Variants in CDC40 observed in about 807,000 individuals in gnomAD.
The protein encoded by CDC40 is pre-mRNA-processing factor 17.
CDC40 carries 27 observed loss-of-function variants against 80.6 expected under a neutral mutation model. The observed-to-expected ratio is 0.33, with a 90% CI of 0.25 to 0.46. The LOEUF is 0.46. CDC40 is among the 20% of genes least tolerant of loss of function. The pLI is 1.00. For missense variants in CDC40, 486 were observed against 694.1 expected (o/e 0.70, Z 3.37); for synonymous variants, 221 against 232.6 (o/e 0.95, Z 0.45).
intron 7 of CDC40, among the ~76,000 whole-genome samples, chr6:110,212,668 G>A (rs987670855): frequency 6.6e-5 from 10 of 152,084 alleles, no homozygotes; most frequent in Admixed American, 1.3e-4. Context: ...GATTAGATGC[G>A]CCCTGGTTTA....
Position 110,213,093 on chromosome 6 carries a change from G to C in CDC40, c.875G>C (p.Ser292Thr), listed in dbSNP as rs1334245601. The change falls in exon 8 of 15, where the codon AGT becomes ACT. Residue 292 changes from serine to threonine, a missense_variant. Ser to Thr is a moderately conservative substitution (Grantham distance 58). Around this residue, in one of 3 missense-constraint regions of CDC40, gnomAD observed 381 missense variants for 492.1 expected, o/e 0.77. Coordinates refer to ENST00000307731, the MANE Select transcript of CDC40 (RefSeq NM_015891.3). ...HVWSGHTKGV[S>T]AVRLFPLSGH... ...TGTAATACCTTTTTATAGGGCGTCA[G>C]TGCAGTCAGATTGTTTCCTCTCTCT... 1 of 1,604,514 alleles carries C rather than the reference G, an allele frequency of 6.2e-7. No individual in the cohort carries two copies. Among genetic ancestry groups the C allele is most frequent in the Admixed American group, 1.7e-5 (1 of 59,990 alleles).
intron 13 of CDC40, among the ~76,000 whole-genome samples, chr6:110,226,925 A>T (rs1777870443): frequency 1.3e-5 from 2 of 151,996 alleles, no homozygotes; most frequent in South Asian, 4.1e-4. Flanking sequence ...TCAGGCTGAG[A>T]TGGGCAGTTT....
chr6:110,208,785 C>G (rs916423302), intron 4 of CDC40, among the ~76,000 whole-genome samples: 1 of 152,058 alleles, frequency 6.6e-6, no homozygotes, highest in African/African-American at 2.4e-5. Context: ...AAGGCTTGTG[C>G]GCCATTGTAG....
chr6:110,182,181 A>G (rs1388042507), intron 1 of CDC40, among the ~76,000 whole-genome samples: 1 of 152,266 alleles, frequency 6.6e-6, no homozygotes, highest in Non-Finnish European at 1.5e-5. Context: ...TCTGTAAAGT[A>G]GGAATAACAG....
At chr6:110,204,689 A>T (rs1777539959) in intron 3 of CDC40, among the ~76,000 whole-genome samples, 1 of 123,888 alleles carries the variant, frequency 8.1e-6, no homozygotes, top group African/African-American at 3.2e-5. Flanking sequence ...TTGAGACAGG[A>T]TCTCGCTCTG....
At chr6:110,180,656 C>G in intron 1 of CDC40, 23 bp downstream of exon 1, 1 of 1,575,842 alleles carries the variant, frequency 6.3e-7, no homozygotes, top group Non-Finnish European at 8.7e-7. Flanking sequence ...GCTACTAATG[C>G]AGTGTGGGAA....
At chr6:110,210,544 TC>T (rs1450488819) in intron 5 of CDC40, among the ~76,000 whole-genome samples, 162 bp from the exon 6 acceptor site, 27 of 124,338 alleles carry the variant, frequency 2.2e-4, no homozygotes, top group African/African-American at 9.0e-4. Flanking sequence ...AGTGCGAGAC[TC>T]ATCTCAGAAA....
At chr6:110,187,961 A>T (rs1777296971) in intron 1 of CDC40, among the ~76,000 whole-genome samples, 1 of 152,182 alleles carries the variant, frequency 6.6e-6, no homozygotes, top group Non-Finnish European at 1.5e-5. Flanking sequence ...GTATTGTCCA[A>T]GTTTTCTAAT....
At chr6:110,182,521 TTTCTC>T (rs1461771413) in intron 1 of CDC40, among the ~76,000 whole-genome samples, 1 of 152,218 alleles carries the variant, frequency 6.6e-6, no homozygotes, top group Admixed American at 6.5e-5. Context: ...AAGGTATCCT[TTTCTC>T]TTCCTTCTTC....
intron 2 of CDC40, among the ~76,000 whole-genome samples, chr6:110,198,291 C>T (rs982092447): frequency 6.6e-6 from 1 of 151,890 alleles, no homozygotes; most frequent in Non-Finnish European, 1.5e-5. Flanking sequence ...GATTGTCCCA[C>T]CTCAGACTCC....
Position 110,209,226 on chromosome 6 carries a change from A to T in CDC40, c.630+3A>T, listed in dbSNP as rs774043831. 6.2e-7 allele frequency: 1 copy of T among 1,612,518 alleles called. No homozygotes were observed. The highest frequency in any genetic ancestry group is 1.7e-4 in the Middle Eastern group (1 of 6,050). On this transcript the variant is annotated splice_donor_region_variant and intron_variant, in intron 5 of 14. Coordinates refer to ENST00000307731, the MANE Select transcript of CDC40 (RefSeq NM_015891.3). The stretch of plus-strand genomic sequence containing the variant: ...AAGATGTAGCCAAACCTTCAGAAGT[A>T]AGCTTTGATGTTTTTAATTGTCAAT...
chr6:110,218,001 C>T (rs147232663), intron 10 of CDC40, among the ~76,000 whole-genome samples, 198 bp downstream of exon 10: 37 of 152,246 alleles, frequency 2.4e-4, no homozygotes, highest in African/African-American at 8.9e-4. Context: ...AACTTGTTTC[C>T]ACCAGATAGA....
intron 9 of CDC40, 75 bp downstream of exon 9, chr6:110,215,406 T>C: frequency 1.8e-6 from 2 of 1,139,000 alleles, no homozygotes; most frequent in Non-Finnish European, 2.7e-6. Context: ...ACAATAACTT[T>C]ACTACACCGA....
chr6:110,220,724 C>T (rs944909955), intron 12 of CDC40, among the ~76,000 whole-genome samples: 10 of 152,146 alleles, frequency 6.6e-5, no homozygotes, highest in African/African-American at 9.7e-5. Flanking sequence ...GGATTACAGG[C>T]GTGAGCCACT....
intron 1 of CDC40, among the ~76,000 whole-genome samples, chr6:110,181,481 A>G (rs935709719): frequency 4.6e-5 from 7 of 152,220 alleles, no homozygotes; most frequent in African/African-American, 1.7e-4. Context: ...GCGGTGTCCA[A>G]AAATTCCTTT....
At chr6:110,226,066 A>G (rs1013145563) in intron 12 of CDC40, 101 bp from the exon 13 acceptor site, 35 of 669,700 alleles carry the variant, frequency 5.2e-5, no homozygotes, top group Non-Finnish European at 7.4e-5. Context: ...TATAATATCA[A>G]GAGTTTGCTT....
At chr6:110,209,063 A>AT (rs750937128) in intron 4 of CDC40, 21 bp from the exon 5 acceptor site, 8,544 of 1,221,564 alleles carry the variant, frequency 7.0e-3, no homozygotes, top group Non-Finnish European at 7.6e-3. Context: ...TTTTTTTTTA[A>AT]TTTTTTTTTT....
intron 2 of CDC40, among the ~76,000 whole-genome samples, chr6:110,195,355 C>T (rs1048789105): frequency 2.6e-5 from 4 of 151,978 alleles, no homozygotes; most frequent in African/African-American, 9.7e-5. Context: ...CAGACTATTT[C>T]TTATTATGCC....
chr6:110,203,986 C>T (rs1469121115), intron 3 of CDC40, among the ~76,000 whole-genome samples: 1 of 152,070 alleles, frequency 6.6e-6, no homozygotes, highest in Non-Finnish European at 1.5e-5. Context: ...TGAGTTTTAA[C>T]TTCAATATTT....
Sources: allele counts gnomAD v4.1 joint callset (sites outside exome capture counted in the v4.1 genomes callset), GRCh38; gene constraint gnomAD v4.1.1; regional missense constraint gnomAD v4.1.1; transcripts MANE v1.5; gene names NCBI Gene and HGNC (gene_info 2026-07-23, HGNC 2026-07-21).